Variants in CSRNP3 observed in about 807,000 individuals in gnomAD.
CSRNP3 encodes the protein cysteine and serine rich nuclear protein 3, also known as cysteine/serine-rich nuclear protein 3.
CSRNP3 carries 12 observed loss-of-function variants against 48.0 expected under a neutral mutation model. The ratio of observed to expected loss-of-function variants is 0.25; its 90% CI spans 0.16 to 0.41. CSRNP3 has a LOEUF of 0.41. CSRNP3 is among the 10% of genes least tolerant of loss of function. The pLI is 1.00. For synonymous variants in CSRNP3, 263 were observed against 269.7 expected, an observed-to-expected ratio of 0.98 and a Z score of 0.24; for missense variants, 580 against 724.4, an observed-to-expected ratio of 0.80 and a Z score of 2.29.
At chr2:165,564,161 T>C (rs1159453880) in intron 3 of CSRNP3, among the ~76,000 whole-genome samples, 2 of 152,106 alleles carry the variant, frequency 1.3e-5, no homozygotes, top group African/African-American at 4.8e-5. Flanking sequence ...AGAAATCTGT[T>C]CATCAATCAA....
At chr2:165,603,855 T>C (rs1361357963) in intron 4 of CSRNP3, among the ~76,000 whole-genome samples, 2 of 152,208 alleles carry the variant, frequency 1.3e-5, no homozygotes, top group African/African-American at 2.4e-5. Context: ...TCTCCTCCAA[T>C]CACTTTTCCC....
At chr2:165,545,227 G>A (rs1224945803) in intron 3 of CSRNP3, among the ~76,000 whole-genome samples, 2 of 152,174 alleles carry the variant, frequency 1.3e-5, no homozygotes, top group Non-Finnish European at 2.9e-5. Flanking sequence ...AAGATTTAGA[G>A]TGTGTATAAA....
intron 1 of CSRNP3, among the ~76,000 whole-genome samples, chr2:165,489,924 C>G (rs1684179389): frequency 6.6e-6 from 1 of 150,510 alleles, no homozygotes; most frequent in Non-Finnish European, 1.5e-5. Context: ...TCCTATTCAA[C>G]ATAGTGTTGG....
intron 3 of CSRNP3, among the ~76,000 whole-genome samples, chr2:165,590,074 G>A (rs1443817960): frequency 6.6e-6 from 1 of 152,044 alleles, no homozygotes; most frequent in East Asian, 1.9e-4. Flanking sequence ...TTTATTTCAA[G>A]ACTTTACTTA....
chr2:165,667,585 T>C (rs972011063), intron 5 of CSRNP3, among the ~76,000 whole-genome samples: 2 of 152,220 alleles, frequency 1.3e-5, no homozygotes, highest in Non-Finnish European at 2.9e-5. Context: ...CTGGAGATTC[T>C]TCCATAAAAC....
intron 5 of CSRNP3, among the ~76,000 whole-genome samples, chr2:165,665,301 G>A (rs1289717910): frequency 1.3e-5 from 2 of 152,006 alleles, no homozygotes; most frequent in African/African-American, 4.8e-5. Context: ...GAGCATCACT[G>A]GTATTAGAGG....
chr2:165,491,949 A>AT (rs1684216312), intron 1 of CSRNP3, among the ~76,000 whole-genome samples: 2 of 145,286 alleles, frequency 1.4e-5, no homozygotes. Context: ...TTAAAGTATA[A>AT]TAAAAAAAAA....
intron 5 of CSRNP3, among the ~76,000 whole-genome samples, chr2:165,658,638 A>AATGAACT (rs1226326220): frequency 2.1e-4 from 32 of 152,306 alleles, no homozygotes; most frequent in African/African-American, 7.7e-4. Context: ...AAGGAGGTTT[A>AATGAACT]ATGAACTCAG....
In CSRNP3 at chr2:165,676,565, A is replaced by T; in HGVS notation, c.662A>T (p.Asp221Val). The change falls in exon 6 of 7, where the codon GAT becomes GTT. Residue 221 changes from aspartate to valine, a missense_variant. Asp to Val is a radical substitution (Grantham distance 152). Coordinates refer to ENST00000651982, the MANE Select transcript of CSRNP3 (RefSeq NM_001172173.2). ...DCGCDCRVFC[D>V]PDTCTCSLAG... The stretch of plus-strand genomic sequence containing the variant: ...GGCTGTGACTGCCGAGTGTTCTGTG[A>T]TCCAGACACGTGCACCTGCAGCCTG... 1 of 1,614,064 alleles carries T rather than the reference A, an allele frequency of 6.2e-7. No homozygotes were observed. Among genetic ancestry groups the T allele is most frequent in the African/African-American group, 1.3e-5 (1 of 75,058 alleles).
At chr2:165,504,728 T>C (rs1684401076) in intron 2 of CSRNP3, among the ~76,000 whole-genome samples, 1 of 152,068 alleles carries the variant, frequency 6.6e-6, no homozygotes, top group South Asian at 2.1e-4. Context: ...AAAATTAGTT[T>C]TGTAAAATGC....
At chr2:165,652,613 G>A (rs540757789) in intron 4 of CSRNP3, among the ~76,000 whole-genome samples, 48 of 152,088 alleles carry the variant, frequency 3.2e-4, no homozygotes, top group Non-Finnish European at 5.7e-4. Context: ...TGTAATCTCA[G>A]CTCCCCACAA....
chr2:165,499,861 C>T (rs973966651), intron 2 of CSRNP3, among the ~76,000 whole-genome samples: 1 of 151,922 alleles, frequency 6.6e-6, no homozygotes, highest in South Asian at 2.1e-4. Flanking sequence ...AATGGACTCT[C>T]GGTTTGTTGC....
intron 6 of CSRNP3, 105 bp from the exon 7 acceptor site, chr2:165,678,596 A>G: frequency 2.2e-6 from 3 of 1,368,140 alleles, no homozygotes; most frequent in Non-Finnish European, 2.0e-6. Flanking sequence ...CATATGTGGA[A>G]TTAAGTGGAT....
chr2:165,652,732 T>C (rs1193816431), intron 4 of CSRNP3, among the ~76,000 whole-genome samples: 1 of 151,772 alleles, frequency 6.6e-6, no homozygotes, highest in Non-Finnish European at 1.5e-5. Flanking sequence ...TTGGCAGAGA[T>C]GGGGTTTCGC....
At chr2:165,568,356 C>T (rs1161125425) in intron 3 of CSRNP3, among the ~76,000 whole-genome samples, 4 of 152,132 alleles carry the variant, frequency 2.6e-5, no homozygotes, top group Non-Finnish European at 5.9e-5. Flanking sequence ...GAGCACCAGA[C>T]ATCCTCCTTC....
At chr2:165,591,960 A>G (rs1479136572) in intron 3 of CSRNP3, among the ~76,000 whole-genome samples, 1 of 152,154 alleles carries the variant, frequency 6.6e-6, no homozygotes, top group African/African-American at 2.4e-5. Flanking sequence ...GTCCTCCAGA[A>G]CCCAAAATGG....
intron 4 of CSRNP3, among the ~76,000 whole-genome samples, chr2:165,627,865 T>C (rs1573929355): frequency 6.6e-6 from 1 of 152,142 alleles, no homozygotes; most frequent in Non-Finnish European, 1.5e-5. Context: ...TTACACATGT[T>C]CCTCCCACAG....
At chr2:165,477,701 G>C (rs549326413) in intron 1 of CSRNP3, among the ~76,000 whole-genome samples, 2 of 150,492 alleles carry the variant, frequency 1.3e-5, no homozygotes, top group Admixed American at 6.6e-5. Flanking sequence ...GGTAGGCCAG[G>C]CATGGTGGCT....
Position 165,500,447 on chromosome 2 carries a change from A to G in CSRNP3, c.-113+5519A>G, listed in dbSNP as rs1318106072. Reference sequence around the variant, plus strand: ...CACACACACACACACACACGTGTATATATATATATATATATATTTTGAGAC... The same window carrying G: ...CACACACACACACACACACGTGTATGTATATATATATATATATTTTGAGAC... On this transcript the variant is annotated intron_variant, in intron 2 of 6. Coordinates refer to ENST00000651982, the MANE Select transcript of CSRNP3 (RefSeq NM_001172173.2). Among the ~76,000 whole-genome samples the G allele has an allele frequency of 5.4e-5, 8 of 148,416 alleles. No individual in the cohort carries two copies. In the South Asian group the frequency reaches 6.3e-4, roughly 12 times the overall value.
Sources: gnomAD v4.1 joint callset for allele counts (sites outside exome capture counted in the v4.1 genomes callset) on GRCh38, gnomAD v4.1.1 for gene constraint, MANE v1.5 for transcripts, NCBI Gene and HGNC (gene_info 2026-07-23, HGNC 2026-07-21) for gene names.